The following CFAP251 variants were observed in gnomAD, a reference collection of about 807,000 sequenced individuals.
CFAP251 encodes the protein cilia- and flagella-associated protein 251.
In CFAP251, 93 loss-of-function variants were observed where a neutral mutation model predicts 126.7. That is an observed-to-expected ratio of 0.73 (90% CI 0.62 to 0.87). The LOEUF (loss-of-function observed/expected upper bound fraction) is 0.87. Among genes scored for constraint, CFAP251 ranks in the 40% least tolerant of loss-of-function variants. The pLI is 0.00. For synonymous variants in CFAP251, 503 were observed against 506.9 expected (o/e 0.99, Z 0.10); for missense variants, 1,287 against 1,389.2 (o/e 0.93, Z 1.17).
intron 19 of CFAP251, among the ~76,000 whole-genome samples, chr12:121,982,457 G>A (rs137955095): frequency 2.6e-5 from 4 of 151,360 alleles, no homozygotes; most frequent in South Asian, 2.1e-4. Flanking sequence ...TCAGTTCACC[G>A]CACCTCCACC....
Position 121,962,308 on chromosome 12 carries a change from G to A in CFAP251, c.2492+146G>A. 5.6e-6 allele frequency: 4 copies of A among 716,620 alleles called. No homozygotes were observed. The South Asian group carries it at 7.4e-5, about 13-fold the overall frequency. The allele number at this position is 716,620 out of a possible 1,614,324, so 44.4% of individuals were successfully genotyped here. ...TTGCAGAGGAGGAGACTGAGGCACA[G>A]ATAACGTAAGTAATTCTCACCAAGG... On this transcript the variant is annotated intron_variant, in intron 15 of 21. Coordinates refer to ENST00000288912, the MANE Select transcript of CFAP251 (RefSeq NM_144668.6).
intron 19 of CFAP251, 126 bp downstream of exon 19, chr12:121,975,811 G>T: frequency 1.9e-6 from 2 of 1,055,292 alleles, no homozygotes; most frequent in Non-Finnish European, 2.7e-6. Flanking sequence ...TCAGAAAGAT[G>T]GTTCTGGGCA....
chr12:121,960,701 G>A lies in CFAP251; in HGVS notation c.2250G>A (p.Gly750=). 1 of 1,613,960 alleles carries A rather than the reference G, an allele frequency of 6.2e-7. No homozygotes were observed. ...AAAGCATTCGAAGTCTCCTGTTTGG[G>A]GTTTACCTGGACAGCAATGAGCCTA... is the stretch of plus-strand genomic sequence containing the variant. ...HRKSIRSLLF[G]VYLDSNEPRL... The change falls in exon 14 of 22, where the codon GGG becomes GGA. Residue 750 remains glycine, a synonymous_variant. Transcript: ENST00000288912.
intron 3 of CFAP251, among the ~76,000 whole-genome samples, chr12:121,931,030 T>G (rs1418163397): frequency 6.6e-6 from 1 of 152,152 alleles, no homozygotes; most frequent in Non-Finnish European, 1.5e-5. Context: ...ATTACAGGCA[T>G]GAAACAGGGC....
chr12:121,985,882 C>T (rs1403960700), intron 19 of CFAP251, among the ~76,000 whole-genome samples: 1 of 152,258 alleles, frequency 6.6e-6, no homozygotes, highest in East Asian at 1.9e-4. Context: ...TGGCCTGGTA[C>T]TGTGTCTCTT....
intron 11 of CFAP251, among the ~76,000 whole-genome samples, chr12:121,957,822 G>T (rs1881782721): frequency 6.6e-6 from 1 of 151,770 alleles, no homozygotes; most frequent in African/African-American, 2.4e-5. Flanking sequence ...GGAGTCTTTT[G>T]CTGCAGGTTG....
At position 121,971,690 on chromosome 12, in the gene CFAP251, C is replaced by T; in HGVS notation, c.2771+3521C>T. On this transcript the variant is annotated intron_variant, in intron 17 of 21. Transcript: ENST00000288912. ...ATTCACAGCCAGGGCTTTCTAAGTC[C>T]ACCCCACACCTTAACAAACATTCAT... 4.3e-6 allele frequency: 3 copies of T among 696,316 alleles called. No individual in the cohort carries two copies. In the South Asian group the frequency reaches 4.5e-5, roughly 10 times the overall value. 43.1% of individuals were successfully genotyped at this position (696,316 alleles called of 1,614,324 possible).
intron 7 of CFAP251, chr12:121,948,059 C>T (rs370403652): frequency 1.3e-5 from 2 of 152,210 alleles, no homozygotes; most frequent in Admixed American, 1.3e-4. Flanking sequence ...ACCCACCTCC[C>T]ATGCACATTT....
intron 17 of CFAP251, chr12:121,969,086 G>GAGCA: frequency 1.0e-6 from 1 of 985,336 alleles, no homozygotes; most frequent in Non-Finnish European, 1.2e-6. Flanking sequence ...TGACGTTGAG[G>GAGCA]AGCAAAAACA....
At chr12:121,993,130 G>C (rs1882917778) in intron 19 of CFAP251, among the ~76,000 whole-genome samples, 2 of 145,398 alleles carry the variant, frequency 1.4e-5, no homozygotes, top group African/African-American at 5.2e-5. Context: ...GGCACGCGCC[G>C]CCACGCCTGA....
In CFAP251 at chr12:121,959,384, T is replaced by C. The variant is rs1478784858; in HGVS notation, c.2133+290T>C. ...GCGGGCCAGGAGTTTGAGGTTACAG[T>C]GAGCTATAAGGCAGGTATGTTGGTC... On this transcript the variant is annotated intron_variant, in intron 13 of 21. Transcript: ENST00000288912. The C allele has an allele frequency of 1.2e-4, 35 of 294,120 alleles. No homozygotes were observed. The Admixed American group carries it at 1.6e-3, about 14-fold the overall frequency. 18.2% of individuals were successfully genotyped at this position (294,120 alleles called of 1,614,324 possible).
intron 7 of CFAP251, among the ~76,000 whole-genome samples, chr12:121,945,820 C>T (rs1881304843): frequency 6.6e-6 from 1 of 151,732 alleles, no homozygotes; most frequent in Admixed American, 6.6e-5. Flanking sequence ...CGCCCACCAC[C>T]ACGCCTGGCT....
At chr12:122,000,641 A>G (rs1883128309) in intron 20 of CFAP251, among the ~76,000 whole-genome samples, 1 of 152,142 alleles carries the variant, frequency 6.6e-6, no homozygotes, top group South Asian at 2.1e-4. Flanking sequence ...TAAACTTTTT[A>G]ATTTTTACCT....
chr12:121,921,793 T>C (rs1880190852), intron 2 of CFAP251, 110 bp downstream of exon 2: 1 of 608,814 alleles, frequency 1.6e-6, no homozygotes, highest in Non-Finnish European at 2.1e-6. Context: ...AATCCATTCC[T>C]TTTTTTTTTT....
intron 19 of CFAP251, among the ~76,000 whole-genome samples, chr12:121,983,612 T>C (rs1380071974): frequency 1.3e-5 from 2 of 151,430 alleles, no homozygotes; most frequent in Non-Finnish European, 2.9e-5. Context: ...AAAACGGAGG[T>C]TGTAAGGTTT....
At chr12:121,954,383 T>G (rs1018684186) in intron 10 of CFAP251, 49 bp downstream of exon 10, 1 of 1,497,050 alleles carries the variant, frequency 6.7e-7, no homozygotes, top group Non-Finnish European at 9.0e-7. Context: ...ATAAAAATAT[T>G]TTAAAATTGT....
At chr12:121,922,428 G>A (rs557973740) in intron 2 of CFAP251, among the ~76,000 whole-genome samples, 1 of 152,256 alleles carries the variant, frequency 6.6e-6, no homozygotes, top group East Asian at 1.9e-4. Flanking sequence ...GCTCTAAGGT[G>A]TGTAGGGAGG....
chr12:122,003,824 T>C lies in CFAP251; in HGVS notation c.*60T>C. 7.6e-7 allele frequency: 1 copy of C among 1,310,780 alleles called. No individual in the cohort carries two copies. Among genetic ancestry groups the C allele is most frequent in the Non-Finnish European group, 1.0e-6 (1 of 956,030 alleles). The allele number at this position is 1,310,780 out of a possible 1,614,324, so 81.2% of individuals were successfully genotyped here. ...GGGTGTGTGTGCATGCACATGTGTG[T>C]GTTTTCCATGAGGCACTGCTTTTTA... On this transcript the variant is annotated 3_prime_UTR_variant, in exon 22 of 22. Transcript: ENST00000288912.
intron 5 of CFAP251, among the ~76,000 whole-genome samples, chr12:121,939,274 A>G (rs1881011692): frequency 6.6e-6 from 1 of 152,094 alleles, no homozygotes; most frequent in African/African-American, 2.4e-5. Flanking sequence ...CGCACCCTGC[A>G]TTAGGGCCCT....
Sources: gnomAD v4.1 joint callset for allele counts (sites outside exome capture counted in the v4.1 genomes callset) on GRCh38, gnomAD v4.1.1 for gene constraint, MANE v1.5 for transcripts, NCBI Gene and HGNC (gene_info 2026-07-23, HGNC 2026-07-21) for gene names.